Variants in ST3GAL4 observed in about 807,000 individuals in gnomAD.
The protein encoded by ST3GAL4 is CMP-N-acetylneuraminate-beta-galactosamide-alpha-2,3-sialyltransferase 4.
Under a neutral mutation model 42.6 loss-of-function variants are expected in ST3GAL4, and 24 were observed. That is an observed-to-expected ratio of 0.56 (90% CI 0.41 to 0.79). The LOEUF is 0.79. Ranked by LOEUF, ST3GAL4 falls within the 30% of genes least tolerant of loss-of-function variation. The probability of loss-of-function intolerance (pLI) is 0.00; values close to 1 mark genes in which losing one functional copy is unlikely to be tolerated. For missense variants in ST3GAL4, 311 were observed against 430.8 expected (o/e 0.72, Z 2.46); for synonymous variants, 135 against 163.2 (o/e 0.83, Z 1.32).
In ST3GAL4 at chr11:126,383,619, C is replaced by G. The variant is rs1953097595; in HGVS notation, c.-60-22477C>G. Among the ~76,000 whole-genome samples, 1 of 152,094 alleles carries G rather than the reference C, an allele frequency of 6.6e-6. No homozygotes were observed. Among genetic ancestry groups the G allele is most frequent in the African/African-American group, 2.4e-5 (1 of 41,408 alleles). On this transcript the variant is annotated intron_variant, in intron 1 of 10. Coordinates refer to ENST00000444328, the MANE Select transcript of ST3GAL4 (RefSeq NM_001254757.2). The surrounding 1 kb of genome is among the most constrained non-coding windows in gnomAD (Gnocchi z 4.5). ...TGTGTGTGACCAAGCTTGCGGGCGC[C>G]TGAGTATGGACTAGTGTGTTTGTGC...
At chr11:126,369,717 AT>A (rs1231041482) in intron 1 of ST3GAL4, among the ~76,000 whole-genome samples, 1 of 152,172 alleles carries the variant, frequency 6.6e-6, no homozygotes, top group African/African-American at 2.4e-5. Flanking sequence ...TAATCAAATT[AT>A]TACTTCAAAA....
chr11:126,373,063 A>C lies in ST3GAL4; in HGVS notation c.-61+17221A>C, dbSNP rs1002829695. ...ATTCAAGTATTTGTTGATTACATGC[A>C]CTGTACCTGACTTGTTTAAAGCCTG... On this transcript the variant is annotated intron_variant, in intron 1 of 10. Coordinates refer to ENST00000444328, the MANE Select transcript of ST3GAL4 (RefSeq NM_001254757.2). This position sits in a 1 kb window ranked among gnomAD's most constrained non-coding sequence, Gnocchi z 5.5. Among the ~76,000 whole-genome samples the C allele has an allele frequency of 6.6e-6, 1 of 152,178 alleles. No homozygotes were observed.
rs1315358619 is a variant in ST3GAL4, at chr11:126,373,308, G to T, written c.-61+17466G>T. 6.6e-6 allele frequency among the ~76,000 whole-genome samples: 1 copy of T among 152,200 alleles called. No individual in the cohort carries two copies. The highest frequency in any genetic ancestry group is 1.5e-5 in the Non-Finnish European group (1 of 68,032). On this transcript the variant is annotated intron_variant, in intron 1 of 10. Transcript: ENST00000444328. This position sits in a 1 kb window ranked among gnomAD's most constrained non-coding sequence, Gnocchi z 5.5. ...TTGCCTTTAACTTCAGATCCTTGGG[G>T]TGGGTGCATTGCTTCTCCTGGGATG...
rs1423456028 is a variant in ST3GAL4 at position 126,359,790 on chromosome 11, CCCCCA to C, written c.-61+3951_-61+3955del. 6.6e-6 allele frequency among the ~76,000 whole-genome samples: 1 copy of C among 152,042 alleles called. No individual in the cohort carries two copies. The highest frequency in any genetic ancestry group is 1.5e-5 in the Non-Finnish European group (1 of 68,034). ...CCGTGGGCCCTCCCAGCCTCCCCAG[CCCCCA>C]CCTCTGCTGCTTTCCCTTGGCAATT... is the stretch of plus-strand genomic sequence containing the variant. On this transcript the variant is annotated intron_variant, in intron 1 of 10. Coordinates refer to ENST00000444328, the MANE Select transcript of ST3GAL4 (RefSeq NM_001254757.2). This position sits in a 1 kb window ranked among gnomAD's most constrained non-coding sequence, Gnocchi z 4.8.
Position 126,413,636 on chromosome 11 carries a change from C to G in ST3GAL4, c.903C>G (p.Leu301=). ...TTCACTACTATGAGCAGATCACGCT[C>G]AAGTCCATGGCGGTAAGTGCCTGGC... ...QTIHYYEQIT[L]KSMAGSGHNV... is the part of the protein sequence containing the mutation. Residue 301 remains leucine, a synonymous_variant, in exon 10 of 11, where the codon CTC becomes CTG. Coordinates refer to ENST00000444328, the MANE Select transcript of ST3GAL4 (RefSeq NM_001254757.2). 1 of 1,614,220 alleles carries G rather than the reference C, an allele frequency of 6.2e-7. No individual in the cohort carries two copies. Among genetic ancestry groups the G allele is most frequent in the South Asian group, 1.1e-5 (1 of 91,078 alleles).
intron 1 of ST3GAL4, among the ~76,000 whole-genome samples, chr11:126,402,456 A>G (rs1165166900): frequency 6.6e-6 from 1 of 151,432 alleles, no homozygotes; most frequent in Non-Finnish European, 1.5e-5. Flanking sequence ...TGTCTGAAAA[A>G]AAAAAAAAAA....
At chr11:126,364,663 C>CCCCCAGG (rs1397508252) in intron 1 of ST3GAL4, among the ~76,000 whole-genome samples, 41 of 147,936 alleles carry the variant, frequency 2.8e-4, no homozygotes, top group African/African-American at 9.1e-4. Context: ...CCATTGCCTT[C>CCCCCAGG]CCCCAGGCCC....
At chr11:126,413,732 C>A in intron 10 of ST3GAL4, 84 bp downstream of exon 10, 3 of 1,573,860 alleles carry the variant, frequency 1.9e-6, no homozygotes, top group Non-Finnish European at 2.6e-6. Flanking sequence ...GGGAGCAGTG[C>A]TGAGACCCAG....
rs1565424866 is a variant in ST3GAL4 at position 126,407,254 on chromosome 11, A to G, written c.185A>G (p.Tyr62Cys). 1 of 1,613,876 alleles carries G rather than the reference A, an allele frequency of 6.2e-7. No individual in the cohort carries two copies. The highest frequency in any genetic ancestry group is 1.3e-5 in the African/African-American group (1 of 74,874). ...ESKASKLFGN[Y>C]SRDQPIFLRL... Reference sequence around the variant, plus strand: ...ACCCGGCTTTCACCTCTGTGCAGCTACTCCCGGGATCAGCCCATCTTCCTG... The same window carrying G: ...ACCCGGCTTTCACCTCTGTGCAGCTGCTCCCGGGATCAGCCCATCTTCCTG... The change falls in exon 5 of 11, where the codon TAC (tyrosine) becomes TGC (cysteine). Residue 62 changes from tyrosine (Y) to cysteine (C), a missense_variant and splice_region_variant. Physicochemically the swap from Tyr to Cys is radical, Grantham distance 194. Coordinates refer to ENST00000444328, the MANE Select transcript of ST3GAL4 (RefSeq NM_001254757.2).
chr11:126,406,646 C>A lies in ST3GAL4; in HGVS notation c.101+89C>A. On this transcript the variant is annotated intron_variant, in intron 3 of 10. Transcript: ENST00000444328. The surrounding 1 kb of genome is among the most constrained non-coding windows in gnomAD (Gnocchi z 5.4). Reference sequence around the variant, plus strand: ...TCATGGAGCGGGGGACCTAGTAGGGCAGGAAGGTTCCAAGAGCCGGCACAT... The same window carrying A: ...TCATGGAGCGGGGGACCTAGTAGGGAAGGAAGGTTCCAAGAGCCGGCACAT... 1 of 1,581,346 alleles carries A rather than the reference C, an allele frequency of 6.3e-7. No homozygotes were observed. The highest frequency in any genetic ancestry group is 8.6e-7 in the Non-Finnish European group (1 of 1,161,590).
intron 10 of ST3GAL4, 57 bp downstream of exon 10, chr11:126,413,705 A>G: frequency 1.2e-6 from 2 of 1,603,798 alleles, no homozygotes; most frequent in Non-Finnish European, 1.7e-6. Context: ...AGACAGTCAG[A>G]GGGGCACTGG....
intron 1 of ST3GAL4, among the ~76,000 whole-genome samples, chr11:126,370,250 C>A (rs2135404328): frequency 6.6e-6 from 1 of 152,298 alleles, no homozygotes; most frequent in African/African-American, 2.4e-5. Context: ...TTCCAGCATA[C>A]ATCTGTGAGA....
intron 1 of ST3GAL4, among the ~76,000 whole-genome samples, chr11:126,364,193 G>T (rs563577440): frequency 1.3e-5 from 2 of 152,018 alleles, no homozygotes; most frequent in Non-Finnish European, 1.5e-5. Context: ...TGACAACAAA[G>T]CTCCCTCTGT....
intron 9 of ST3GAL4, 55 bp from the exon 10 acceptor site, chr11:126,413,450 A>G: frequency 6.2e-7 from 1 of 1,600,384 alleles, no homozygotes; most frequent in African/African-American, 1.3e-5. Context: ...GCTGGCAGAG[A>G]TGATGGTGGG....
At chr11:126,407,058 C>T in intron 4 of ST3GAL4, 35 bp downstream of exon 4, 1 of 1,594,726 alleles carries the variant, frequency 6.3e-7, no homozygotes, top group Non-Finnish European at 8.6e-7. Flanking sequence ...TAGAGCAGGG[C>T]ATGGAGCGAG....
rs1038960658 is a variant in ST3GAL4 at position 126,373,707 on chromosome 11, A to T, written c.-61+17865A>T. Among the ~76,000 whole-genome samples the T allele has an allele frequency of 1.2e-4, 19 of 152,102 alleles. No homozygotes were observed. The highest frequency in any genetic ancestry group is 3.9e-4 in the Admixed American group (6 of 15,270). ...GAAGCCTGTCTGGCTCCTTTCCCTC[A>T]AAGGTCAGACAGCTTGAGAGATGTT... On this transcript the variant is annotated intron_variant, in intron 1 of 10. Coordinates refer to ENST00000444328, the MANE Select transcript of ST3GAL4 (RefSeq NM_001254757.2). The surrounding 1 kb of genome is among the most constrained non-coding windows in gnomAD (Gnocchi z 5.5).
intron 1 of ST3GAL4, among the ~76,000 whole-genome samples, chr11:126,368,503 G>A (rs774779318): frequency 1.3e-5 from 2 of 152,226 alleles, no homozygotes; most frequent in Non-Finnish European, 2.9e-5. Context: ...TATTCCGTCA[G>A]CCCTTCTGTG....
chr11:126,410,322 T>G lies in ST3GAL4; in HGVS notation c.771+911T>G, dbSNP rs1954463782. 1.3e-5 allele frequency among the ~76,000 whole-genome samples: 2 copies of G among 152,350 alleles called. No individual in the cohort carries two copies. The highest frequency in any genetic ancestry group is 2.1e-4 in the South Asian group (1 of 4,834). ...TCAGCTGGTGGGCTTTAACCCACTTTGTAGCTTCCCAAGTACTTCCACCCA... is the reference window on the plus strand; with the variant it reads ...TCAGCTGGTGGGCTTTAACCCACTTGGTAGCTTCCCAAGTACTTCCACCCA... On this transcript the variant is annotated intron_variant, in intron 9 of 10. Coordinates refer to ENST00000444328, the MANE Select transcript of ST3GAL4 (RefSeq NM_001254757.2). This position sits in a 1 kb window ranked among gnomAD's most constrained non-coding sequence, Gnocchi z 5.3.
intron 1 of ST3GAL4, among the ~76,000 whole-genome samples, chr11:126,401,063 ATCT>A (rs914790191): frequency 2.6e-5 from 4 of 152,328 alleles, no homozygotes; most frequent in Middle Eastern, 3.4e-3. Context: ...AGCTTTGAAC[ATCT>A]TCTTCCATTT....
Sources: allele counts gnomAD v4.1 joint callset (sites outside exome capture counted in the v4.1 genomes callset), GRCh38; gene constraint gnomAD v4.1.1; non-coding constraint Gnocchi (gnomAD v3.1); transcripts MANE v1.5; gene names NCBI Gene and HGNC (gene_info 2026-07-23, HGNC 2026-07-21).